The following MTCL1 variants were observed in gnomAD, a reference collection of about 807,000 sequenced individuals.
MTCL1 encodes the protein microtubule crosslinking factor 1.
A neutral mutation model predicts 141.4 loss-of-function variants in MTCL1; 79 were observed. The ratio of observed to expected loss-of-function variants is 0.56; its 90% CI spans 0.47 to 0.67. The LOEUF (loss-of-function observed/expected upper bound fraction) is 0.67. MTCL1 is among the 30% of genes least tolerant of loss of function. The pLI, the probability that MTCL1 is intolerant of heterozygous loss-of-function variation, is 0.00. For missense variants in MTCL1, 2,177 were observed against 2,113.9 expected (o/e 1.03, Z -0.59); for synonymous variants, 914 against 875.8 (o/e 1.04, Z -0.77).
exon 12 of MTCL1, chr18:8,813,232 A>G: frequency 1.2e-6 from 2 of 1,610,686 alleles, no homozygotes; most frequent in Non-Finnish European, 1.7e-6. Flanking sequence ...AGGATAGAGC[A>G]GGTAAGGAGG....
At position 8,826,215 on chromosome 18, in the gene MTCL1, G is replaced by C. The variant is rs199835005; in HGVS notation, c.4705G>C (p.Glu1569Gln). 9.6e-5 allele frequency: 154 copies of C among 1,602,152 alleles called. 1 individual carries two copies. The Middle Eastern group carries it at 5.7e-3, about 59-fold the overall frequency. ...CAGCCACTCGCTGGGGGACACAGCCGAGCCAGGGCCCATGGAGGTAATGAA... is the reference window on the plus strand; with the variant it reads ...CAGCCACTCGCTGGGGGACACAGCCCAGCCAGGGCCCATGGAGGTAATGAA... The change falls in exon 15 of 17, where the codon GAG becomes CAG. Residue 1569 changes from glutamate to glutamine, a missense_variant. By Grantham distance (29) the Glu-to-Gln change is conservative. Coordinates refer to ENST00000359865, the Ensembl canonical transcript of MTCL1.
At chr18:8,767,632 G>C (rs1162159423) in intron 4 of MTCL1, among the ~76,000 whole-genome samples, 6 of 152,088 alleles carry the variant, frequency 3.9e-5, no homozygotes, top group Admixed American at 1.3e-4. Context: ...TGAGTACCCG[G>C]GGTCCATCAG....
At chr18:8,777,117 TC>T in intron 4 of MTCL1, among the ~76,000 whole-genome samples, 1 of 152,094 alleles carries the variant, frequency 6.6e-6, no homozygotes, top group Non-Finnish European at 1.5e-5. Context: ...GTGCCTATAG[TC>T]CCAGCTACTT....
At chr18:8,800,452 G>A (rs779747092) in intron 10 of MTCL1, 1 of 152,210 alleles carries the variant, frequency 6.6e-6, no homozygotes, top group African/African-American at 2.4e-5. Context: ...AAAAAAAACT[G>A]CATATACCGA....
At chr18:8,759,822 G>A (rs1448504782) in intron 4 of MTCL1, among the ~76,000 whole-genome samples, 1 of 152,086 alleles carries the variant, frequency 6.6e-6, no homozygotes, top group Non-Finnish European at 1.5e-5. Flanking sequence ...AGCTTGAAGC[G>A]GGATAGAGGT....
chr18:8,787,483 T>G (rs1172084125), intron 7 of MTCL1: 2 of 152,582 alleles, frequency 1.3e-5, no homozygotes, highest in Non-Finnish European at 2.9e-5. Flanking sequence ...GGGCCTGATC[T>G]GCAGTAGTGG....
intron 8 of MTCL1, among the ~76,000 whole-genome samples, chr18:8,793,845 T>C (rs2075821328): frequency 6.6e-6 from 1 of 152,246 alleles, no homozygotes; most frequent in Non-Finnish European, 1.5e-5. Context: ...GTTGGTGTTT[T>C]AAAATGCATA....
At chr18:8,742,355 C>T (rs528182) in intron 4 of MTCL1, among the ~76,000 whole-genome samples, 45,656 of 151,716 alleles carry the variant, frequency 0.3, 6,976 homozygotes, top group South Asian at 0.41. Context: ...TAAAGACGCA[C>T]CTGAGACTGG....
chr18:8,803,744 T>G (rs2076200809), intron 10 of MTCL1, among the ~76,000 whole-genome samples: 1 of 152,254 alleles, frequency 6.6e-6, no homozygotes, highest in Non-Finnish European at 1.5e-5. Flanking sequence ...CCTGGTTGAA[T>G]AGAGCACTGT....
In MTCL1 at chr18:8,825,183, GAC is replaced by G. The variant is rs1310453219; in HGVS notation, c.3676_3677del (p.Thr1226GlnfsTer32). ...AAGCAGAGCCAGAGGGAGCCCGGGA[GAC>G]ACCAAGGGAGGCCCTCCAGAACCCA... On this transcript the variant is annotated frameshift_variant, in exon 15 of 17. Transcript: ENST00000359865. LOFTEE classifies it high-confidence loss of function. The G allele has an allele frequency of 6.3e-7, 1 of 1,579,470 alleles. No individual in the cohort carries two copies. The highest frequency in any genetic ancestry group is 8.6e-7 in the Non-Finnish European group (1 of 1,162,444).
At position 8,786,299 on chromosome 18, in the gene MTCL1, C is replaced by T. The variant is rs141167222; in HGVS notation, c.1887+208C>T. On this transcript the variant is annotated intron_variant, in intron 7 of 16. Coordinates refer to ENST00000359865, the Ensembl canonical transcript of MTCL1. ...GGTGCCTGCGGTGAACTGCTGTGCTCGTCAGACAGAGGGACAGCTCACTGT... is the reference window on the plus strand; with the variant it reads ...GGTGCCTGCGGTGAACTGCTGTGCTTGTCAGACAGAGGGACAGCTCACTGT... 1.1e-3 allele frequency: 792 copies of T among 711,886 alleles called. 3 individuals carry two copies. The African/African-American group carries it at 0.012, about 11-fold the overall frequency. 44.1% of individuals were successfully genotyped at this position (711,886 alleles called of 1,614,324 possible).
chr18:8,707,679 A>T (rs1296524648), intron 1 of MTCL1: 1 of 152,434 alleles, frequency 6.6e-6, no homozygotes, highest in Non-Finnish European at 1.5e-5. Context: ...GTTAAGTCTT[A>T]ATGAGCAGCC....
chr18:8,809,678 G>A (rs939496166), intron 11 of MTCL1: 75 of 1,454,606 alleles, frequency 5.2e-5, no homozygotes, highest in Admixed American at 3.0e-4. Flanking sequence ...TTCATGAGAC[G>A]CCGTGGAGCA....
intron 4 of MTCL1, among the ~76,000 whole-genome samples, chr18:8,771,072 C>T (rs1037726765): frequency 1.3e-5 from 2 of 152,108 alleles, no homozygotes; most frequent in African/African-American, 4.8e-5. Flanking sequence ...CGTGGCTGAA[C>T]GAGAGGCTAA....
At chr18:8,807,134 G>A (rs1441343386) in intron 11 of MTCL1, 74 bp downstream of exon 10, 4 of 1,431,494 alleles carry the variant, frequency 2.8e-6, no homozygotes, top group African/African-American at 1.4e-5. Flanking sequence ...GGGGGAGCGG[G>A]CACAGAGAGA....
Position 8,779,616 on chromosome 18 carries a change from C to T in MTCL1, c.417+1724C>T, listed in dbSNP as rs1269945915. 6.6e-6 allele frequency among the ~76,000 whole-genome samples: 1 copy of T among 152,154 alleles called. No individual in the cohort carries two copies. The highest frequency in any genetic ancestry group is 2.4e-5 in the African/African-American group (1 of 41,442). On this transcript the variant is annotated intron_variant, in intron 5 of 16. Transcript: ENST00000359865. This position sits in a 1 kb window ranked among gnomAD's most constrained non-coding sequence, Gnocchi z 4.1. ...CAACACCCGGCAGGTGCAGCGGGCC[C>T]TGCTCCAGCTGCCTCGACCTCACGG...
exon 17 of MTCL1, chr18:8,832,526 C>T (rs189577762): frequency 6.6e-6 from 1 of 152,422 alleles, no homozygotes; most frequent in East Asian, 1.9e-4. Context: ...TCAGTCTGTT[C>T]CACTGTAATA....
At chr18:8,812,129 T>C (rs1598769943) in intron 11 of MTCL1, among the ~76,000 whole-genome samples, 1 of 152,342 alleles carries the variant, frequency 6.6e-6, no homozygotes. Context: ...TAATCAAATA[T>C]TAAAACAGAA....
exon 1 of MTCL1, chr18:8,706,701 C>T (rs751118859): frequency 1.3e-6 from 2 of 1,545,972 alleles, no homozygotes; most frequent in African/African-American, 1.4e-5. Context: ...GCTCGGAGAA[C>T]GACTATCTCA....
Sources: allele counts gnomAD v4.1 joint callset (sites outside exome capture counted in the v4.1 genomes callset), GRCh38; gene constraint gnomAD v4.1.1; non-coding constraint Gnocchi (gnomAD v3.1); transcripts MANE v1.5; gene names NCBI Gene and HGNC (gene_info 2026-07-23, HGNC 2026-07-21).